Variants in PLXNA4 observed in about 807,000 individuals in gnomAD.
PLXNA4 encodes plexin A4.
A neutral mutation model predicts 191.8 loss-of-function variants in PLXNA4; 44 were observed. That is an observed-to-expected ratio of 0.23 (90% confidence interval 0.18 to 0.29). The LOEUF is 0.29. Ranked by LOEUF, PLXNA4 falls within the 10% of genes least tolerant of loss-of-function variation. The pLI, the probability that PLXNA4 is intolerant of heterozygous loss-of-function variation, is 1.00. For missense variants in PLXNA4, 1,800 were observed against 2,488.8 expected (o/e 0.72, Z 5.89); for synonymous variants, 1,082 against 1,009.5 (o/e 1.07, Z -1.36).
intron 3 of PLXNA4, among the ~76,000 whole-genome samples, chr7:132,364,909 C>T (rs1804094491): frequency 6.6e-6 from 1 of 152,180 alleles, no homozygotes; most frequent in Non-Finnish European, 1.5e-5. Context: ...GGAATGCATG[C>T]CTTATCTCAG....
At chr7:132,409,599 T>C (rs1585097616) in intron 3 of PLXNA4, among the ~76,000 whole-genome samples, 1 of 151,938 alleles carries the variant, frequency 6.6e-6, no homozygotes, top group South Asian at 2.1e-4. Flanking sequence ...GATGAGGGGG[T>C]TAATTGGATT....
chr7:132,323,479 C>T (rs781610045), intron 3 of PLXNA4, among the ~76,000 whole-genome samples: 1 of 152,160 alleles, frequency 6.6e-6, no homozygotes, highest in Non-Finnish European at 1.5e-5. Context: ...CAACAAAACC[C>T]CAACCCAGGA....
intron 22 of PLXNA4, among the ~76,000 whole-genome samples, chr7:132,166,866 A>C (rs1796139127): frequency 3.3e-5 from 5 of 152,312 alleles, no homozygotes; most frequent in Admixed American, 2.6e-4. Context: ...GCTGTTTCCA[A>C]AGCTGTCTGC....
chr7:132,540,665 G>A (rs1800038756), intron 1 of PLXNA4, among the ~76,000 whole-genome samples: 1 of 134,076 alleles, frequency 7.5e-6, no homozygotes, highest in Non-Finnish European at 1.5e-5. Context: ...TCGGCTCACT[G>A]CAAGCTCCGC....
intron 3 of PLXNA4, among the ~76,000 whole-genome samples, chr7:132,323,418 G>T (rs1563035048): frequency 6.6e-6 from 1 of 152,154 alleles, no homozygotes; most frequent in Non-Finnish European, 1.5e-5. Flanking sequence ...GAGGAGTTAG[G>T]CATTATTACC....
At chr7:132,348,404 C>G (rs529936919) in intron 3 of PLXNA4, among the ~76,000 whole-genome samples, 1 of 152,190 alleles carries the variant, frequency 6.6e-6, no homozygotes, top group Admixed American at 6.5e-5. Context: ...AGGACACAAC[C>G]GACAAATCCA....
intron 3 of PLXNA4, among the ~76,000 whole-genome samples, chr7:132,467,970 GCT>G (rs1353342274): frequency 3.3e-5 from 5 of 152,154 alleles, no homozygotes; most frequent in African/African-American, 9.7e-5. Flanking sequence ...ACTGCACATG[GCT>G]CTCACACTTG....
At chr7:132,494,686 G>A (rs946352260) in intron 2 of PLXNA4, among the ~76,000 whole-genome samples, 10 of 152,168 alleles carry the variant, frequency 6.6e-5, no homozygotes, top group South Asian at 4.1e-4. Context: ...AAAGGTTACC[G>A]TGCAATTACG....
chr7:132,252,959 T>G (rs1799307043), intron 4 of PLXNA4, among the ~76,000 whole-genome samples: 1 of 152,226 alleles, frequency 6.6e-6, no homozygotes, highest in African/African-American at 2.4e-5. Flanking sequence ...AAAGGGTATA[T>G]TAAGACTCAA....
chr7:132,379,983 C>T (rs1329700757), intron 3 of PLXNA4, among the ~76,000 whole-genome samples: 1 of 152,198 alleles, frequency 6.6e-6, no homozygotes, highest in Non-Finnish European at 1.5e-5. Flanking sequence ...CGTCACCCCT[C>T]ACTGCCCCTG....
At chr7:132,446,157 A>T (rs924869225) in intron 3 of PLXNA4, among the ~76,000 whole-genome samples, 1 of 152,180 alleles carries the variant, frequency 6.6e-6, no homozygotes, top group Non-Finnish European at 1.5e-5. Flanking sequence ...AACAGTGCAA[A>T]CCCTTTACCG....
chr7:132,454,663 G>C (rs1796249914), intron 3 of PLXNA4, among the ~76,000 whole-genome samples: 1 of 152,030 alleles, frequency 6.6e-6, no homozygotes, highest in Admixed American at 6.5e-5. Flanking sequence ...CAGTTAAAAT[G>C]AGATCACTAG....
At chr7:132,206,519 A>G (rs1294484023) in intron 10 of PLXNA4, among the ~76,000 whole-genome samples, 1 of 152,074 alleles carries the variant, frequency 6.6e-6, no homozygotes, top group Non-Finnish European at 1.5e-5. Context: ...ATTGAAAATA[A>G]AAAAGACATT....
intron 8 of PLXNA4, 132 bp from the exon 9 acceptor site, chr7:132,223,773 G>C: frequency 1.5e-6 from 1 of 677,012 alleles, no homozygotes; most frequent in Non-Finnish European, 2.6e-6. Context: ...AGGAAGGGCA[G>C]ATCTTATGCA....
rs1585242381 is a variant in PLXNA4, at chr7:132,507,617, G to A, written c.1077C>T (p.Ile359=). The A allele has an allele frequency of 6.2e-7, 1 of 1,614,200 alleles. No individual in the cohort carries two copies. Among genetic ancestry groups the A allele is most frequent in the Admixed American group, 1.7e-5 (1 of 60,022 alleles). The part of the protein sequence containing the change: ...SLDESALCIF[I]LKQINDRIKE... ...TAATGCGGTCATTTATCTGCTTCAA[G>A]ATGAAGATGCACAGGGCCGACTCAT... is the stretch of plus-strand genomic sequence containing the variant. Residue 359 remains isoleucine, a synonymous_variant, in exon 2 of 32, where the codon ATC becomes ATT. Coordinates refer to ENST00000321063, the MANE Select transcript of PLXNA4 (RefSeq NM_020911.2).
At chr7:132,349,433 G>A (rs1803392155) in intron 3 of PLXNA4, among the ~76,000 whole-genome samples, 1 of 152,156 alleles carries the variant, frequency 6.6e-6, no homozygotes. Context: ...AGCCAACACA[G>A]GGAGGGCTAC....
chr7:132,520,777 C>T (rs971955663), intron 1 of PLXNA4, among the ~76,000 whole-genome samples: 5 of 152,150 alleles, frequency 3.3e-5, no homozygotes, highest in South Asian at 2.1e-4. Flanking sequence ...CAGCCCCTGT[C>T]ACAGCTGCCC....
chr7:132,256,705 TA>T (rs1260164253), intron 4 of PLXNA4, among the ~76,000 whole-genome samples: 1 of 152,194 alleles, frequency 6.6e-6, no homozygotes, highest in African/African-American at 2.4e-5. Context: ...TGGGCATCTG[TA>T]TTTTCTCAAG....
At chr7:132,610,123 C>T (rs1295472450) in intron 2 of PLXNA4, among the ~76,000 whole-genome samples, 1 of 152,188 alleles carries the variant, frequency 6.6e-6, no homozygotes, top group African/African-American at 2.4e-5. Context: ...CTTCACATAG[C>T]AGGGCATTTA....
Sources: allele counts gnomAD v4.1 joint callset (sites outside exome capture counted in the v4.1 genomes callset), GRCh38; gene constraint gnomAD v4.1.1; transcripts MANE v1.5; gene names NCBI Gene and HGNC (gene_info 2026-07-23, HGNC 2026-07-21).